DMD: variants seen among roughly 807,000 people sequenced by gnomAD.
The protein encoded by DMD is dystrophin, also known as mutant dystrophin.
DMD carries 63 observed loss-of-function variants against 330.1 expected under a neutral mutation model. That is an observed-to-expected ratio of 0.19 (90% CI 0.16 to 0.24). The LOEUF (loss-of-function observed/expected upper bound fraction) is 0.24. DMD is among the 10% of genes least tolerant of loss of function. DMD has a pLI of 1.00. For synonymous variants in DMD, 1,223 were observed against 959.8 expected (o/e 1.27, Z -5.07); for missense variants, 3,344 against 2,684.1 (o/e 1.25, Z -5.43).
At chrX:32,844,738 C>G in intron 4 of DMD, 45 bp downstream of exon 4, 3 of 1,048,820 alleles carry the variant, frequency 2.9e-6, no homozygotes, top group Non-Finnish European at 4.0e-6. Context: ...AAACATGAAG[C>G]ATGCTGTGTC....
At chrX:33,310,738 C>A (rs1224438452) in intron 1 of DMD, among the ~76,000 whole-genome samples, 2 of 110,858 alleles carry the variant, frequency 1.8e-5, no homozygotes, top group Non-Finnish European at 3.8e-5. Context: ...TTGCAAGCCA[C>A]AGAAAGTCAG....
At chrX:31,784,537 C>T (rs1468459283) in intron 50 of DMD, among the ~76,000 whole-genome samples, 2 of 111,870 alleles carry the variant, frequency 1.8e-5, no homozygotes, top group Non-Finnish European at 3.8e-5. Context: ...TCTGGGTGTA[C>T]GGTTAGTCCC....
chrX:32,305,139 T>C (rs1026768253), intron 42 of DMD, among the ~76,000 whole-genome samples: 1 of 111,750 alleles, frequency 8.9e-6, no homozygotes, highest in African/African-American at 3.2e-5. Context: ...CTACATATGG[T>C]GCCTCTTGCT....
At chrX:32,392,324 T>G (rs1208214463) in intron 30 of DMD, among the ~76,000 whole-genome samples, 1 of 111,745 alleles carries the variant, frequency 8.9e-6, no homozygotes. Flanking sequence ...AATAGCACGA[T>G]CTTGGCTCAC....
intron 1 of DMD, among the ~76,000 whole-genome samples, chrX:33,336,199 A>G (rs1603431275): frequency 9.4e-6 from 1 of 106,541 alleles, no homozygotes; most frequent in Admixed American, 1.0e-4. Context: ...CAACTAAAAT[A>G]TTGTCGTGGC....
chrX:31,749,059 TA>T (rs1278258995), intron 51 of DMD, among the ~76,000 whole-genome samples: 5 of 111,778 alleles, frequency 4.5e-5, no homozygotes. Context: ...CAGAAAAGAT[TA>T]CCAACTTCCC....
At chrX:32,263,235 A>C (rs2097330816) in intron 43 of DMD, among the ~76,000 whole-genome samples, 1 of 112,310 alleles carries the variant, frequency 8.9e-6, no homozygotes, top group South Asian at 3.7e-4. Flanking sequence ...GCTAGATTTC[A>C]GGGAAAAATA....
intron 55 of DMD, among the ~76,000 whole-genome samples, chrX:31,548,447 AC>A (rs774286763): frequency 5.3e-5 from 6 of 112,175 alleles, no homozygotes; most frequent in Admixed American, 1.9e-4. Context: ...TTATAAAGGA[AC>A]AGAAAAAAAA....
intron 3 of DMD, among the ~76,000 whole-genome samples, chrX:32,845,946 A>C (rs770870871): frequency 8.9e-6 from 1 of 112,218 alleles, no homozygotes; most frequent in Non-Finnish European, 1.9e-5. Flanking sequence ...TTTGAGGTCA[A>C]AGCCCTCACT....
At chrX:32,593,700 A>C (rs7053664) in intron 13 of DMD, among the ~76,000 whole-genome samples, 17,532 of 111,858 alleles carry the variant, frequency 0.16, 3,414 homozygotes, top group African/African-American at 0.54. Flanking sequence ...TGTTGAAAAA[A>C]ATTCAAATGG....
intron 1 of DMD, among the ~76,000 whole-genome samples, chrX:33,026,353 AAAAGAAAAT>A (rs2094004632): frequency 9.7e-6 from 1 of 102,744 alleles, no homozygotes; most frequent in South Asian, 4.3e-4. Flanking sequence ...AAAAAGAAAG[AAAAGAAAAT>A]AAAGAACTAT....
At chrX:32,850,618 C>T (rs1046534007) in intron 2 of DMD, among the ~76,000 whole-genome samples, 1 of 111,413 alleles carries the variant, frequency 9.0e-6, no homozygotes, top group East Asian at 2.8e-4. Context: ...AAAATTATGG[C>T]TCAGATCTGT....
chrX:32,330,273 A>G (rs1375575904), intron 41 of DMD, among the ~76,000 whole-genome samples: 1 of 112,366 alleles, frequency 8.9e-6, no homozygotes, highest in East Asian at 2.8e-4. Context: ...AGGGCAGGAG[A>G]ATTATCAGAT....
Position 32,603,176 on chromosome X carries a change from C to A in DMD, c.1483-7300G>T, listed in dbSNP as rs1212973533. Among the ~76,000 whole-genome samples the A allele has an allele frequency of 9.0e-5, 10 of 110,808 alleles. No homozygotes were observed. In the Admixed American group the frequency reaches 9.6e-4, roughly 11 times the overall value. On this transcript the variant is annotated intron_variant, in intron 12 of 78. Coordinates refer to ENST00000357033, the MANE Select transcript of DMD (RefSeq NM_004006.3). Reference sequence around the variant, plus strand: ...AAATCATATCAAGCATCTTCTTGCACCACAGTGGAAAAAAACTAGAAATGA... The same window carrying A: ...AAATCATATCAAGCATCTTCTTGCAACACAGTGGAAAAAAACTAGAAATGA...
At chrX:31,655,501 A>G (rs7062771) in intron 54 of DMD, among the ~76,000 whole-genome samples, 1 of 110,220 alleles carries the variant, frequency 9.1e-6, no homozygotes, top group African/African-American at 3.3e-5. Flanking sequence ...GAGAAGAACA[A>G]GAATTTTGGG....
chrX:31,478,739 C>A (rs1427836483), intron 58 of DMD, among the ~76,000 whole-genome samples: 1 of 112,113 alleles, frequency 8.9e-6, no homozygotes, highest in Non-Finnish European at 1.9e-5. Context: ...TTATTATTTT[C>A]TAAATGTTCC....
At chrX:32,633,422 A>T (rs1478740077) in intron 11 of DMD, among the ~76,000 whole-genome samples, 2 of 112,146 alleles carry the variant, frequency 1.8e-5, no homozygotes, top group Admixed American at 1.9e-4. Context: ...TATCAGTATC[A>T]GCACTTTGGT....
intron 1 of DMD, among the ~76,000 whole-genome samples, chrX:33,278,286 A>G (rs1037313128): frequency 9.0e-6 from 1 of 111,353 alleles, no homozygotes; most frequent in Non-Finnish European, 1.9e-5. Context: ...TCACCCAGGT[A>G]GTGAGCATAG....
At chrX:33,035,039 C>T (rs927691340) in intron 1 of DMD, among the ~76,000 whole-genome samples, 1 of 111,294 alleles carries the variant, frequency 9.0e-6, no homozygotes, top group African/African-American at 3.3e-5. Context: ...ATATGAGAGT[C>T]CACAGTCATC....
Sources: allele counts gnomAD v4.1 joint callset (sites outside exome capture counted in the v4.1 genomes callset), GRCh38; gene constraint gnomAD v4.1.1; transcripts MANE v1.5; gene names NCBI Gene and HGNC (gene_info 2026-07-23, HGNC 2026-07-21).